Variants in CASZ1 observed in about 807,000 individuals in gnomAD.
The protein encoded by CASZ1 is zinc finger protein castor homolog 1.
CASZ1 carries 28 observed loss-of-function variants against 135.2 expected under a neutral mutation model. That is an observed-to-expected ratio of 0.21 (90% CI 0.15 to 0.28). The LOEUF (loss-of-function observed/expected upper bound fraction) is 0.28. Ranked by LOEUF, CASZ1 falls within the 10% of genes least tolerant of loss-of-function variation. CASZ1 has a pLI of 1.00. For missense variants in CASZ1, 2,161 were observed against 2,453.3 expected, an observed-to-expected ratio of 0.88 and a Z score of 2.52; for synonymous variants, 1,068 against 1,073.4, an observed-to-expected ratio of 0.99 and a Z score of 0.10.
At chr1:10,662,714 C>T (rs947827977) in intron 5 of CASZ1, among the ~76,000 whole-genome samples, 1 of 152,196 alleles carries the variant, frequency 6.6e-6, no homozygotes, top group Admixed American at 6.5e-5. Flanking sequence ...ACAACACACA[C>T]ACTCATACAG....
rs550491192 is a variant in CASZ1 at position 10,721,856 on chromosome 1, C to T, written c.-76-16312G>A. On this transcript the variant is annotated intron_variant, in intron 2 of 20. Coordinates refer to ENST00000377022, the MANE Select transcript of CASZ1 (RefSeq NM_001079843.3). This position sits in a 1 kb window ranked among gnomAD's most constrained non-coding sequence, Gnocchi z 5.4. ...TGACCTGCCTGCTAGGAAGCAGAGG[C>T]GGGCCCATGCCGAGGGGAAGAAGAG... Among the ~76,000 whole-genome samples, 12 of 152,344 alleles carry T rather than the reference C, an allele frequency of 7.9e-5. No homozygotes were observed. The highest frequency in any genetic ancestry group is 2.0e-4 in the Admixed American group (3 of 15,310).
At position 10,721,055 on chromosome 1, in the gene CASZ1, G is replaced by T. The variant is rs1303644598; in HGVS notation, c.-76-15511C>A. Among the ~76,000 whole-genome samples the T allele has an allele frequency of 6.6e-6, 1 of 152,188 alleles. No individual in the cohort carries two copies. Among genetic ancestry groups the T allele is most frequent in the Non-Finnish European group, 1.5e-5 (1 of 68,026 alleles). ...CCTCCTCGCCCGTAACTCTGGTGGGGGTCCCTTTTGTACAGGAGCCAAGCT... is the reference window on the plus strand; with the variant it reads ...CCTCCTCGCCCGTAACTCTGGTGGGTGTCCCTTTTGTACAGGAGCCAAGCT... On this transcript the variant is annotated intron_variant, in intron 2 of 20. Coordinates refer to ENST00000377022, the MANE Select transcript of CASZ1 (RefSeq NM_001079843.3). This position sits in a 1 kb window ranked among gnomAD's most constrained non-coding sequence, Gnocchi z 5.4.
chr1:10,702,012 A>G (rs1156735753), intron 3 of CASZ1, among the ~76,000 whole-genome samples: 1 of 152,212 alleles, frequency 6.6e-6, no homozygotes, highest in African/African-American at 2.4e-5. Context: ...CTTTGCGGAC[A>G]GCAGGTGGAT....
At chr1:10,708,990 A>G (rs1570508277) in intron 2 of CASZ1, among the ~76,000 whole-genome samples, 2 of 47,122 alleles carry the variant, frequency 4.2e-5, no homozygotes, top group African/African-American at 6.7e-5. Context: ...GCCATGGGTG[A>G]GGGAGGGAGG....
At chr1:10,640,320 C>T (rs1642159268) in intron 20 of CASZ1, among the ~76,000 whole-genome samples, 1 of 152,240 alleles carries the variant, frequency 6.6e-6, no homozygotes, top group Admixed American at 6.5e-5. Flanking sequence ...GCAGCCCAAC[C>T]AGCTCTGGGG....
In CASZ1 at chr1:10,741,437, C is replaced by T. The variant is rs997722645; in HGVS notation, c.-77+19264G>A. On this transcript the variant is annotated intron_variant, in intron 2 of 20. Coordinates refer to ENST00000377022, the MANE Select transcript of CASZ1 (RefSeq NM_001079843.3). The surrounding 1 kb of genome is among the most constrained non-coding windows in gnomAD (Gnocchi z 5.0). ...AGGTGCACACAAGCTCCAGCACTGG[C>T]CCAGGCTGAGGGTGCTCAGCGCACA... 2.0e-5 allele frequency among the ~76,000 whole-genome samples: 3 copies of T among 152,178 alleles called. No homozygotes were observed. The highest frequency in any genetic ancestry group is 2.9e-5 in the Non-Finnish European group (2 of 68,034).
Position 10,643,181 on chromosome 1 carries a change from G to A in CASZ1, c.3999C>T (p.Phe1333=), listed in dbSNP as rs762145673. 5.0e-6 allele frequency: 8 copies of A among 1,611,824 alleles called. No homozygotes were observed. The highest frequency in any genetic ancestry group is 1.7e-5 in the Admixed American group (1 of 59,992). Residue 1333 remains phenylalanine, a synonymous_variant, in exon 19 of 21, where the codon TTC becomes TTT. Coordinates refer to ENST00000377022, the MANE Select transcript of CASZ1 (RefSeq NM_001079843.3). ...TCACCTGGGAGGGGGGCACGCGGTC[G>A]AAGTTCTTCCCCAGCATCCTCCGCA... is the stretch of plus-strand genomic sequence containing the variant. The part of the protein sequence containing the change: ...KHMRRMLGKN[F]DRVPPSQGPP...
chr1:10,673,385 C>T (rs1223045597), intron 4 of CASZ1, among the ~76,000 whole-genome samples: 1 of 151,950 alleles, frequency 6.6e-6, no homozygotes, highest in African/African-American at 2.4e-5. Context: ...AATTTTTTTT[C>T]GTCCCCTCTC....
chr1:10,783,457 T>C (rs956716184), intron 1 of CASZ1, among the ~76,000 whole-genome samples: 12 of 151,400 alleles, frequency 7.9e-5, no homozygotes, highest in African/African-American at 2.9e-4. Flanking sequence ...AAGGAAAGGA[T>C]GTGAGGGGGT....
chr1:10,729,187 A>G (rs1427103569), intron 2 of CASZ1, among the ~76,000 whole-genome samples: 1 of 152,130 alleles, frequency 6.6e-6, no homozygotes, highest in Non-Finnish European at 1.5e-5. Context: ...CAGGTGGCCA[A>G]TGGGAAACTA....
rs1311477909 is a variant in CASZ1, at chr1:10,747,990, TG to T, written c.-77+12710del. On this transcript the variant is annotated intron_variant, in intron 2 of 20. Coordinates refer to ENST00000377022, the MANE Select transcript of CASZ1 (RefSeq NM_001079843.3). This position sits in a 1 kb window ranked among gnomAD's most constrained non-coding sequence, Gnocchi z 4.3. ...CGCCACCACGCCCGGCTAAGTTTTT[TG>T]TATTTTTTAGTGGAGACGGGGTTTC... 6.6e-6 allele frequency among the ~76,000 whole-genome samples: 1 copy of T among 152,162 alleles called. No homozygotes were observed. The highest frequency in any genetic ancestry group is 2.4e-5 in the African/African-American group (1 of 41,434).
intron 2 of CASZ1, among the ~76,000 whole-genome samples, chr1:10,751,230 G>A (rs1434353809): frequency 6.6e-6 from 1 of 152,174 alleles, no homozygotes; most frequent in African/African-American, 2.4e-5. Flanking sequence ...AAACCAGTGA[G>A]GACAGGGTGA....
At chr1:10,769,275 T>G (rs1640533109) in intron 1 of CASZ1, among the ~76,000 whole-genome samples, 2 of 152,356 alleles carry the variant, frequency 1.3e-5, no homozygotes, top group South Asian at 4.1e-4. Context: ...GGCTGTGTGC[T>G]GGAGGATGCT....
At position 10,693,918 on chromosome 1, in the gene CASZ1, C is replaced by T; in HGVS notation, c.-23-6G>A. ...CTTCTCCTTGGTCCCAAACTCTTCG[C>T]AGAACGCCACCAGGGGAAGACCGGG... On this transcript the variant is annotated splice_region_variant and splice_polypyrimidine_tract_variant and intron_variant, in intron 3 of 20. Transcript: ENST00000377022. The T allele has an allele frequency of 6.2e-7, 1 of 1,612,676 alleles. No individual in the cohort carries two copies. Among genetic ancestry groups the T allele is most frequent in the South Asian group, 1.1e-5 (1 of 91,052 alleles).
In CASZ1 at chr1:10,701,532, A is replaced by AG. The variant is rs769981022; in HGVS notation, c.-24+3959dup. Among the ~76,000 whole-genome samples, 41 of 150,884 alleles carry AG rather than the reference A, an allele frequency of 2.7e-4. No individual in the cohort carries two copies. Among genetic ancestry groups the AG allele is most frequent in the African/African-American group, 6.9e-4 (28 of 40,506 alleles). On this transcript the variant is annotated intron_variant, in intron 3 of 20. Transcript: ENST00000377022. The surrounding 1 kb of genome is among the most constrained non-coding windows in gnomAD (Gnocchi z 6.3). ...TTCAGAGTGATGGAGTGATGGGAGGAGGGGGGGCGCGGTCAGAAGAAGGAG... is the reference window on the plus strand; with the variant it reads ...TTCAGAGTGATGGAGTGATGGGAGGAGGGGGGGGCGCGGTCAGAAGAAGGAG...
chr1:10,688,925 G>A (rs939406703), intron 4 of CASZ1, among the ~76,000 whole-genome samples: 10 of 152,138 alleles, frequency 6.6e-5, no homozygotes, highest in African/African-American at 2.4e-4. Context: ...GCTGCTTGCC[G>A]TGGGGACCCA....
chr1:10,740,257 G>C (rs988752030), intron 2 of CASZ1, among the ~76,000 whole-genome samples: 3 of 152,178 alleles, frequency 2.0e-5, no homozygotes, highest in Non-Finnish European at 4.4e-5. Context: ...CCCATTCCCA[G>C]AACCTGCTGG....
At chr1:10,775,360 G>T (rs1370521653) in intron 1 of CASZ1, among the ~76,000 whole-genome samples, 1 of 151,688 alleles carries the variant, frequency 6.6e-6, no homozygotes, top group Non-Finnish European at 1.5e-5. Flanking sequence ...CAGACGACTT[G>T]ATTTTTTTTT....
chr1:10,781,784 A>G (rs554875105), intron 1 of CASZ1, among the ~76,000 whole-genome samples: 2 of 152,188 alleles, frequency 1.3e-5, no homozygotes, highest in African/African-American at 2.4e-5. Flanking sequence ...GCGTCATTTC[A>G]TCTAATCCTC....
Sources: gnomAD v4.1 joint callset for allele counts (sites outside exome capture counted in the v4.1 genomes callset) on GRCh38, gnomAD v4.1.1 for gene constraint, Gnocchi (gnomAD v3.1) non-coding constraint, MANE v1.5 for transcripts, NCBI Gene and HGNC (gene_info 2026-07-23, HGNC 2026-07-21) for gene names.